Variants in ZNF365 observed in about 807,000 individuals in gnomAD.
The protein encoded by ZNF365 is zinc finger protein 365, also known as protein ZNF365.
ZNF365 carries 22 observed loss-of-function variants against 35.0 expected under a neutral mutation model. That is an observed-to-expected ratio of 0.63 (90% CI 0.45 to 0.90). The LOEUF is 0.90. Ranked by LOEUF, ZNF365 falls within the 40% of genes least tolerant of loss-of-function variation. The pLI is 0.00. For synonymous variants in ZNF365, 188 were observed against 196.2 expected (o/e 0.96, Z 0.35); for missense variants, 448 against 500.3 (o/e 0.90, Z 1.00).
At chr10:62,430,858 A>T (rs1347389067) in intron 3 of ZNF365, among the ~76,000 whole-genome samples, 1 of 152,228 alleles carries the variant, frequency 6.6e-6, no homozygotes, top group African/African-American at 2.4e-5. Context: ...AACAAGATGT[A>T]ATATGACAAA....
At chr10:62,473,498 A>G (rs1000132859) in intron 4 of ZNF365, among the ~76,000 whole-genome samples, 5 of 152,142 alleles carry the variant, frequency 3.3e-5, no homozygotes, top group African/African-American at 1.2e-4. Context: ...TGGGGGCCAG[A>G]CTTCCTGTGT....
At position 62,400,348 on chromosome 10, in the gene ZNF365, C is replaced by T; in HGVS notation, c.*559C>T. The T allele has an allele frequency of 2.0e-6, 2 of 986,538 alleles. No homozygotes were observed. Among genetic ancestry groups the T allele is most frequent in the Non-Finnish European group, 2.4e-6 (2 of 830,356 alleles). 61.1% of individuals were successfully genotyped at this position (986,538 alleles called of 1,614,324 possible). On this transcript the variant is annotated 3_prime_UTR_variant, in exon 5 of 5. Coordinates refer to ENST00000395254, the MANE Select transcript of ZNF365 (RefSeq NM_014951.3). ...TCAAGATTTCAATTTCTGGGTTGCT[C>T]AAGGGACTCGTTCAGTCAGACTTCA... is the stretch of plus-strand genomic sequence containing the variant.
intron 3 of ZNF365, among the ~76,000 whole-genome samples, chr10:62,448,337 G>A (rs974707942): frequency 6.6e-6 from 1 of 152,158 alleles, no homozygotes. Flanking sequence ...GGAATGTGAG[G>A]CTCAAAAATG....
At chr10:62,471,549 G>A (rs528607027) in intron 4 of ZNF365, among the ~76,000 whole-genome samples, 1 of 152,228 alleles carries the variant, frequency 6.6e-6, no homozygotes, top group Non-Finnish European at 1.5e-5. Flanking sequence ...AAGGCAGTAT[G>A]CCATAGTAAC....
chr10:62,449,888 C>T, intron 3 of ZNF365, among the ~76,000 whole-genome samples: 1 of 151,082 alleles, frequency 6.6e-6, no homozygotes, highest in Non-Finnish European at 1.5e-5. Context: ...ACCAGATCTA[C>T]TCATTGCCAA....
At chr10:62,461,466 C>G (rs1290601710) in intron 4 of ZNF365, among the ~76,000 whole-genome samples, 1 of 152,192 alleles carries the variant, frequency 6.6e-6, no homozygotes, top group Admixed American at 6.5e-5. Flanking sequence ...AAACTCCATC[C>G]CTGCTCTTCA....
chr10:62,407,060 C>T (rs527241541), downstream of ZNF365, among the ~76,000 whole-genome samples: 1 of 152,372 alleles, frequency 6.6e-6, no homozygotes, highest in East Asian at 1.9e-4. Flanking sequence ...GAGCACTCTG[C>T]TTCTGCTTCT....
intron 3 of ZNF365, among the ~76,000 whole-genome samples, chr10:62,439,714 G>A (rs1023097842): frequency 2.0e-5 from 3 of 152,190 alleles, no homozygotes; most frequent in African/African-American, 7.2e-5. Context: ...ACAATGTGGA[G>A]CTGGTAAATC....
rs78437939 is a variant in ZNF365, at chr10:62,462,711, C to A, written c.981+2914C>A. 1.2e-3 allele frequency among the ~76,000 whole-genome samples: 176 copies of A among 152,296 alleles called. 1 individual carries two copies. The East Asian group carries it at 0.031, about 27-fold the overall frequency. On this transcript the variant is annotated intron_variant, in intron 4 of 4. Coordinates refer to the ZNF365 transcript ENST00000395255. ...GGGTGTGAGAGCAGCCCAAGCATGGCTGGATTAAATTTCCTGCCAGCTTGG... is the reference window on the plus strand; with the variant it reads ...GGGTGTGAGAGCAGCCCAAGCATGGATGGATTAAATTTCCTGCCAGCTTGG...
At chr10:62,475,654 G>A (rs901676852) in intron 4 of ZNF365, among the ~76,000 whole-genome samples, 1 of 152,122 alleles carries the variant, frequency 6.6e-6, no homozygotes, top group African/African-American at 2.4e-5. Flanking sequence ...GTGGCATAGA[G>A]CCCCATCTAG....
At chr10:62,414,210 T>A (rs1840036231) in intron 3 of ZNF365, among the ~76,000 whole-genome samples, 1 of 152,010 alleles carries the variant, frequency 6.6e-6, no homozygotes, top group Non-Finnish European at 1.5e-5. Flanking sequence ...TAGCTCTTTT[T>A]TTTTTCTTAG....
chr10:62,394,713 GAC>G (rs1328287436), intron 3 of ZNF365, among the ~76,000 whole-genome samples: 1 of 152,162 alleles, frequency 6.6e-6, no homozygotes, highest in Non-Finnish European at 1.5e-5. Context: ...TTTCAGCAAA[GAC>G]ACTAAATGGA....
chr10:62,407,841 A>T (rs1839927504), intron 3 of ZNF365, among the ~76,000 whole-genome samples: 1 of 152,172 alleles, frequency 6.6e-6, no homozygotes, highest in South Asian at 2.1e-4. Context: ...ATCTTTCCTG[A>T]TGAACACAGA....
intron 4 of ZNF365, among the ~76,000 whole-genome samples, chr10:62,476,867 G>A (rs1841140761): frequency 6.6e-6 from 1 of 152,326 alleles, no homozygotes; most frequent in South Asian, 2.1e-4. Context: ...TTTGTACACT[G>A]GAACCCATTC....
At chr10:62,476,102 G>A (rs2132495322) in intron 4 of ZNF365, among the ~76,000 whole-genome samples, 1 of 152,104 alleles carries the variant, frequency 6.6e-6, no homozygotes, top group East Asian at 1.9e-4. Context: ...TTTGTGGGGA[G>A]GGGTAGGGTG....
chr10:62,420,823 C>T (rs1025983492), intron 3 of ZNF365, among the ~76,000 whole-genome samples: 4 of 151,994 alleles, frequency 2.6e-5, no homozygotes, highest in Admixed American at 6.5e-5. Context: ...CACTCTGTCA[C>T]CTGGGCTGGA....
At position 62,400,543 on chromosome 10, in the gene ZNF365, G is replaced by C; in HGVS notation, c.*754G>C. The C allele has an allele frequency of 1.0e-6, 1 of 986,006 alleles. No individual in the cohort carries two copies. The highest frequency in any genetic ancestry group is 1.2e-6 in the Non-Finnish European group (1 of 829,958). The allele number at this position is 986,006 out of a possible 1,614,324, so 61.1% of individuals were successfully genotyped here. A position where few individuals can be genotyped will look rare whatever the true frequency, so the allele number is the denominator to read the frequency against. On this transcript the variant is annotated 3_prime_UTR_variant, in exon 5 of 5. Transcript: ENST00000395254. ...CTCTATCTTAATAGCTGCTTCTGTG[G>C]ATATGGCTGGGGAGCGAAGTAAAAT...
chr10:62,425,823 G>T (rs867579317), intron 3 of ZNF365, among the ~76,000 whole-genome samples: 1 of 152,212 alleles, frequency 6.6e-6, no homozygotes, highest in African/African-American at 2.4e-5. Flanking sequence ...AGAAGACAAG[G>T]TCTATGAAGG....
At chr10:62,464,657 A>T (rs1878256) in intron 4 of ZNF365, among the ~76,000 whole-genome samples, 7,083 of 152,308 alleles carry the variant, frequency 0.047, 525 homozygotes, top group African/African-American at 0.16. Flanking sequence ...TGACAGATAT[A>T]TTCCTTTCCC....
Sources: allele counts gnomAD v4.1 joint callset (sites outside exome capture counted in the v4.1 genomes callset), GRCh38; gene constraint gnomAD v4.1.1; transcripts MANE v1.5; gene names NCBI Gene and HGNC (gene_info 2026-07-23, HGNC 2026-07-21).